Variants in DLG2 observed in about 807,000 individuals in gnomAD.
DLG2 encodes the protein disks large homolog 2.
In DLG2, 45 loss-of-function variants were observed where a neutral mutation model predicts 132.5. That is an observed-to-expected ratio of 0.34 (90% CI 0.27 to 0.44). The LOEUF is 0.44. Ranked by LOEUF, DLG2 falls within the 20% of genes least tolerant of loss-of-function variation. DLG2 has a pLI of 1.00. For synonymous variants in DLG2, 424 were observed against 419.6 expected, an observed-to-expected ratio of 1.01 and a Z score of -0.13; for missense variants, 1,045 against 1,196.9, an observed-to-expected ratio of 0.87 and a Z score of 1.87.
intron 6 of DLG2, among the ~76,000 whole-genome samples, chr11:84,662,308 C>T (rs1020666774): frequency 4.6e-5 from 7 of 151,222 alleles, no homozygotes; most frequent in African/African-American, 1.7e-4. Flanking sequence ...TCCCAAGTAG[C>T]TGGGATTATA....
chr11:85,274,493 C>T (rs2077759963), intron 4 of DLG2, among the ~76,000 whole-genome samples: 1 of 152,066 alleles, frequency 6.6e-6, no homozygotes, highest in Non-Finnish European at 1.5e-5. Context: ...TATAGCATAG[C>T]CAAGTTTACA....
intron 6 of DLG2, among the ~76,000 whole-genome samples, chr11:84,776,565 C>A (rs534419098): frequency 6.6e-6 from 1 of 152,140 alleles, no homozygotes. Flanking sequence ...AATTCATAGC[C>A]TCTCCCAATC....
chr11:84,703,868 A>G (rs1037153343), intron 6 of DLG2, among the ~76,000 whole-genome samples: 3 of 120,586 alleles, frequency 2.5e-5, no homozygotes, highest in African/African-American at 1.3e-4. Context: ...ATATATATAT[A>G]TATATATATA....
intron 6 of DLG2, among the ~76,000 whole-genome samples, chr11:84,704,949 T>C (rs1042749803): frequency 2.7e-5 from 4 of 149,482 alleles, no homozygotes; most frequent in African/African-American, 9.8e-5. Flanking sequence ...TATATATATT[T>C]TAAATTTAAG....
chr11:83,467,047 G>A (rs1001200960), intron 25 of DLG2, among the ~76,000 whole-genome samples: 9 of 152,166 alleles, frequency 5.9e-5, no homozygotes, highest in Non-Finnish European at 1.2e-4. Context: ...CTACTGGACT[G>A]GACATTTTAC....
chr11:84,842,247 C>T (rs1351710340), intron 6 of DLG2, among the ~76,000 whole-genome samples: 8 of 151,956 alleles, frequency 5.3e-5, no homozygotes, highest in Admixed American at 3.3e-4. Context: ...AAATACTTTA[C>T]CTGAATTATC....
chr11:84,006,321 G>T (rs1246658497), intron 11 of DLG2, among the ~76,000 whole-genome samples: 1 of 151,556 alleles, frequency 6.6e-6, no homozygotes, highest in Non-Finnish European at 1.5e-5. Flanking sequence ...AGAGAGGTAA[G>T]TTAATGGGTG....
At chr11:84,122,623 G>A (rs1179924393) in intron 9 of DLG2, among the ~76,000 whole-genome samples, 2 of 152,296 alleles carry the variant, frequency 1.3e-5, no homozygotes, top group Middle Eastern at 3.4e-3. Context: ...GGGAGATGTT[G>A]ACTCATTTTC....
intron 6 of DLG2, among the ~76,000 whole-genome samples, chr11:84,768,069 A>C (rs1306472922): frequency 6.6e-6 from 1 of 152,132 alleles, no homozygotes; most frequent in Non-Finnish European, 1.5e-5. Flanking sequence ...TGGGCAAATG[A>C]CCCTTCTTTT....
chr11:85,069,257 C>G (rs913073707), intron 6 of DLG2, among the ~76,000 whole-genome samples: 88 of 152,208 alleles, frequency 5.8e-4, no homozygotes, highest in African/African-American at 1.9e-3. Context: ...GACTTCATGT[C>G]TAAAACACCA....
chr11:84,231,025 T>C (rs1567002432), intron 8 of DLG2, among the ~76,000 whole-genome samples: 1 of 152,200 alleles, frequency 6.6e-6, no homozygotes, highest in Non-Finnish European at 1.5e-5. Flanking sequence ...GTTACCCTGC[T>C]AAAAAATTAA....
intron 3 of DLG2, among the ~76,000 whole-genome samples, chr11:85,290,262 C>T (rs1413274304): frequency 1.3e-5 from 2 of 151,988 alleles, no homozygotes; most frequent in East Asian, 3.9e-4. Context: ...AAGACGTGTC[C>T]ATTTTGATGT....
At chr11:84,347,869 C>A (rs2098545988) in intron 7 of DLG2, among the ~76,000 whole-genome samples, 1 of 152,150 alleles carries the variant, frequency 6.6e-6, no homozygotes, top group Admixed American at 6.5e-5. Context: ...TCATCACTAT[C>A]TGATACAGAT....
chr11:85,528,191 A>T (rs1244449533), intron 3 of DLG2, among the ~76,000 whole-genome samples: 1 of 152,188 alleles, frequency 6.6e-6, no homozygotes, highest in Non-Finnish European at 1.5e-5. Flanking sequence ...TAGTTTAATT[A>T]GATCCCATTT....
At chr11:83,848,124 C>CTTTTTTTTTTTTTTTTT (rs34648391) in intron 16 of DLG2, among the ~76,000 whole-genome samples, 1 of 132,844 alleles carries the variant, frequency 7.5e-6, no homozygotes, top group Non-Finnish European at 1.6e-5. Flanking sequence ...TCCCCCACAC[C>CTTTTTTTTTTTTTTTTT]TTTTTTTTTT....
intron 7 of DLG2, among the ~76,000 whole-genome samples, chr11:84,337,917 G>T (rs2098495173): frequency 6.6e-6 from 1 of 152,110 alleles, no homozygotes; most frequent in Non-Finnish European, 1.5e-5. Context: ...CTGAGAGCTG[G>T]CAATTTAACA....
intron 9 of DLG2, among the ~76,000 whole-genome samples, chr11:84,133,025 C>T (rs2094474659): frequency 6.6e-6 from 1 of 151,900 alleles, no homozygotes; most frequent in Non-Finnish European, 1.5e-5. Flanking sequence ...AACATCATTG[C>T]CTTTGACCAA....
chr11:84,230,730 GA>G (rs1174796550), intron 8 of DLG2, among the ~76,000 whole-genome samples: 1 of 151,780 alleles, frequency 6.6e-6, no homozygotes, highest in Non-Finnish European at 1.5e-5. Flanking sequence ...TCCAGTTAAA[GA>G]AAAAAAATTA....
intron 6 of DLG2, among the ~76,000 whole-genome samples, chr11:84,962,041 A>T (rs765425156): frequency 2.0e-5 from 3 of 152,232 alleles, no homozygotes; most frequent in Non-Finnish European, 2.9e-5. Context: ...ATTGAGAACA[A>T]CAAGAATTTA....
Sources: gnomAD v4.1 joint callset for allele counts (sites outside exome capture counted in the v4.1 genomes callset) on GRCh38, gnomAD v4.1.1 for gene constraint, MANE v1.5 for transcripts, NCBI Gene and HGNC (gene_info 2026-07-23, HGNC 2026-07-21) for gene names.